ELOVL6: variants seen among roughly 807,000 people sequenced by gnomAD.
ELOVL6 encodes the protein very long chain fatty acid elongase 6.
Under a neutral mutation model 31.7 loss-of-function variants are expected in ELOVL6, and 8 were observed. That is an observed-to-expected ratio of 0.25 (90% CI 0.15 to 0.45). The LOEUF (loss-of-function observed/expected upper bound fraction) is 0.45, where lower values mean the gene tolerates loss of function less well. Ranked by LOEUF, ELOVL6 falls within the 20% of genes least tolerant of loss-of-function variation. The pLI is 1.00. For missense variants in ELOVL6, 126 were observed against 326.4 expected, an observed-to-expected ratio of 0.39 and a Z score of 4.73; for synonymous variants, 101 against 117.7, an observed-to-expected ratio of 0.86 and a Z score of 0.92.
At chr4:110,117,903 A>AAAAAATTAT in intron 1 of ELOVL6, 2 of 6,506 alleles carry the variant, frequency 3.1e-4, no homozygotes, top group African/African-American at 6.5e-4. Context: ...AAAAAAAAAA[A>AAAAAATTAT]ATATATATAT....
intron 2 of ELOVL6, among the ~76,000 whole-genome samples, chr4:110,062,900 T>A (rs1350327264): frequency 6.6e-6 from 1 of 152,216 alleles, no homozygotes; most frequent in Non-Finnish European, 1.5e-5. Flanking sequence ...GAGAATAATA[T>A]CTAACATGCA....
chr4:110,151,460 G>A (rs372192767), intron 1 of ELOVL6, among the ~76,000 whole-genome samples: 105 of 152,172 alleles, frequency 6.9e-4, no homozygotes, highest in Middle Eastern at 3.4e-3. Flanking sequence ...AAAAAGTTTC[G>A]GAGTTGAAGC....
intron 2 of ELOVL6, among the ~76,000 whole-genome samples, chr4:110,097,873 A>G (rs1489982707): frequency 6.6e-6 from 1 of 152,140 alleles, no homozygotes; most frequent in African/African-American, 2.4e-5. Flanking sequence ...ATTTACAAAT[A>G]TGGCATTAGA....
At chr4:110,120,864 G>A (rs1229339689) in intron 1 of ELOVL6, among the ~76,000 whole-genome samples, 2 of 147,562 alleles carry the variant, frequency 1.4e-5, no homozygotes, top group Non-Finnish European at 1.5e-5. Context: ...GCTGTGGAGC[G>A]ATTTTGGCTC....
intron 3 of ELOVL6, among the ~76,000 whole-genome samples, chr4:110,056,526 A>G (rs190278354): frequency 6.6e-6 from 1 of 152,076 alleles, no homozygotes; most frequent in African/African-American, 2.4e-5. Flanking sequence ...AATATCCCAT[A>G]TTTTAAAATG....
At chr4:110,101,476 A>G (rs1756739432) in intron 2 of ELOVL6, among the ~76,000 whole-genome samples, 1 of 152,178 alleles carries the variant, frequency 6.6e-6, no homozygotes, top group Non-Finnish European at 1.5e-5. Context: ...GTGTACGTAT[A>G]TTTTAGGAAA....
chr4:110,119,220 C>T (rs545302201), intron 1 of ELOVL6, among the ~76,000 whole-genome samples: 12 of 151,992 alleles, frequency 7.9e-5, no homozygotes, highest in African/African-American at 2.9e-4. Flanking sequence ...TCACTTGAAC[C>T]CAGTATGTAG....
intron 2 of ELOVL6, among the ~76,000 whole-genome samples, chr4:110,071,785 G>C (rs1360262715): frequency 1.3e-5 from 2 of 152,156 alleles, no homozygotes; most frequent in Non-Finnish European, 2.9e-5. Flanking sequence ...TACCACCACT[G>C]AAAAGAGATG....
intron 1 of ELOVL6, among the ~76,000 whole-genome samples, chr4:110,167,707 ATGTT>A (rs1417717839): frequency 7.1e-6 from 1 of 140,666 alleles, no homozygotes; most frequent in Non-Finnish European, 1.6e-5. Flanking sequence ...GTATGTATGT[ATGTT>A]TGTATGTAGA....
intron 1 of ELOVL6, among the ~76,000 whole-genome samples, chr4:110,126,707 A>C (rs936568585): frequency 6.6e-6 from 1 of 152,164 alleles, no homozygotes; most frequent in African/African-American, 2.4e-5. Context: ...GCAAAGACAG[A>C]TTTCCTCCTC....
At chr4:110,172,962 A>G (rs556218862) in intron 1 of ELOVL6, among the ~76,000 whole-genome samples, 2 of 152,302 alleles carry the variant, frequency 1.3e-5, no homozygotes, top group Non-Finnish European at 2.9e-5. Flanking sequence ...GGAGAGACAC[A>G]CTGCATATGC....
At chr4:110,066,190 T>C (rs1268316225) in intron 2 of ELOVL6, among the ~76,000 whole-genome samples, 1 of 152,168 alleles carries the variant, frequency 6.6e-6, no homozygotes, top group Non-Finnish European at 1.5e-5. Context: ...TAACAAAACC[T>C]GAACTGCTGT....
At chr4:110,173,999 A>T (rs960286074) in intron 1 of ELOVL6, among the ~76,000 whole-genome samples, 1 of 152,086 alleles carries the variant, frequency 6.6e-6, no homozygotes, top group Non-Finnish European at 1.5e-5. Flanking sequence ...AGTTAAAAAA[A>T]TAAAAATATA....
At chr4:110,170,250 A>G (rs1758905208) in intron 1 of ELOVL6, among the ~76,000 whole-genome samples, 1 of 152,242 alleles carries the variant, frequency 6.6e-6, no homozygotes, top group African/African-American at 2.4e-5. Context: ...ATTTTGTGAT[A>G]TATTTACTGC....
intron 1 of ELOVL6, among the ~76,000 whole-genome samples, chr4:110,194,162 A>G (rs1759707952): frequency 6.6e-6 from 1 of 152,210 alleles, no homozygotes; most frequent in South Asian, 2.1e-4. Flanking sequence ...CCTGGCTAGC[A>G]GCACTTCCAA....
At position 110,051,132 on chromosome 4, in the gene ELOVL6, G is replaced by A. The variant is rs1402400278; in HGVS notation, c.*206C>T. ...TCCAGCAGCAGTGCTTGGAGATGGA[G>A]GTGCACTCAGTGAGTCCTCACCCTA... On this transcript the variant is annotated 3_prime_UTR_variant, in exon 4 of 4. Transcript: ENST00000302274. This position sits in a 1 kb window ranked among gnomAD's most constrained non-coding sequence, Gnocchi z 4.8. The A allele has an allele frequency of 1.7e-6, 1 of 573,278 alleles. No individual in the cohort carries two copies. The highest frequency in any genetic ancestry group is 1.9e-5 in the African/African-American group (1 of 53,384). 35.5% of individuals were successfully genotyped at this position (573,278 alleles called of 1,614,324 possible).
At chr4:110,126,060 G>A (rs977483632) in intron 1 of ELOVL6, among the ~76,000 whole-genome samples, 11 of 151,586 alleles carry the variant, frequency 7.3e-5, no homozygotes, top group Non-Finnish European at 1.3e-4. Context: ...TCTTTTTTTT[G>A]TGAGACAGGA....
chr4:110,090,699 G>C (rs1401123796), intron 2 of ELOVL6, among the ~76,000 whole-genome samples: 1 of 146,556 alleles, frequency 6.8e-6, no homozygotes, highest in East Asian at 2.1e-4. Flanking sequence ...CCGCCACCTG[G>C]GTTCAAGCAA....
intron 2 of ELOVL6, among the ~76,000 whole-genome samples, chr4:110,070,887 T>A (rs556063131): frequency 9.7e-4 from 148 of 152,180 alleles, no homozygotes; most frequent in African/African-American, 2.6e-3. Context: ...TCTTTTTTTT[T>A]ATAAATTAAT....
Sources: gnomAD v4.1 joint callset for allele counts (sites outside exome capture counted in the v4.1 genomes callset) on GRCh38, gnomAD v4.1.1 for gene constraint, Gnocchi (gnomAD v3.1) non-coding constraint, MANE v1.5 for transcripts, NCBI Gene and HGNC (gene_info 2026-07-23, HGNC 2026-07-21) for gene names.